DLG2: variants seen among roughly 807,000 people sequenced by gnomAD.
DLG2 encodes the protein discs large MAGUK scaffold protein 2, also known as disks large homolog 2.
DLG2 carries 45 observed loss-of-function variants against 132.5 expected under a neutral mutation model. The ratio of observed to expected loss-of-function variants is 0.34; its 90% CI spans 0.27 to 0.44. The LOEUF is 0.44. DLG2 is among the 20% of genes least tolerant of loss of function. DLG2 has a pLI of 1.00. For missense variants in DLG2, 1,045 were observed against 1,196.9 expected, an observed-to-expected ratio of 0.87 and a Z score of 1.87; for synonymous variants, 424 against 419.6, an observed-to-expected ratio of 1.01 and a Z score of -0.13.
chr11:84,769,208 A>G (rs7128644), intron 6 of DLG2, among the ~76,000 whole-genome samples: 21,526 of 152,124 alleles, frequency 0.14, 1,728 homozygotes, highest in African/African-American at 0.22. Context: ...TAACTGAGGT[A>G]CAAGACAAAG....
intron 3 of DLG2, among the ~76,000 whole-genome samples, chr11:85,536,461 G>C (rs2075590992): frequency 6.6e-6 from 1 of 152,164 alleles, no homozygotes; most frequent in South Asian, 2.1e-4. Flanking sequence ...AGGTGACAAC[G>C]TGCTAGCAGC....
chr11:84,902,671 A>G (rs940215185), intron 6 of DLG2, among the ~76,000 whole-genome samples: 1 of 152,102 alleles, frequency 6.6e-6, no homozygotes, highest in Admixed American at 6.6e-5. Flanking sequence ...GTCTATTTCC[A>G]GCTTGCTATT....
chr11:85,459,338 T>C (rs1177387447), intron 3 of DLG2, among the ~76,000 whole-genome samples: 3 of 152,104 alleles, frequency 2.0e-5, no homozygotes, highest in Non-Finnish European at 4.4e-5. Flanking sequence ...GTTCGAGTGC[T>C]CACAGGGATG....
At chr11:84,465,014 T>A (rs1489853983) in intron 7 of DLG2, among the ~76,000 whole-genome samples, 1 of 151,248 alleles carries the variant, frequency 6.6e-6, no homozygotes, top group African/African-American at 2.4e-5. Flanking sequence ...GGTTGAACAC[T>A]GTTGGCCCTT....
chr11:85,345,255 A>T (rs1293597956), intron 3 of DLG2, among the ~76,000 whole-genome samples: 1 of 152,130 alleles, frequency 6.6e-6, no homozygotes, highest in African/African-American at 2.4e-5. Flanking sequence ...TACAGTAATC[A>T]ATAGCTTTTG....
chr11:83,503,464 CAT>C (rs2094552654), intron 21 of DLG2, among the ~76,000 whole-genome samples: 1 of 143,764 alleles, frequency 7.0e-6, no homozygotes, highest in African/African-American at 2.5e-5. Flanking sequence ...CACACACACA[CAT>C]ATATTATTAA....
At chr11:84,396,162 T>TA (rs2098810270) in intron 7 of DLG2, among the ~76,000 whole-genome samples, 1 of 152,130 alleles carries the variant, frequency 6.6e-6, no homozygotes, top group Admixed American at 6.6e-5. Flanking sequence ...ATTTAAAATT[T>TA]AAAAAAATCC....
intron 3 of DLG2, among the ~76,000 whole-genome samples, chr11:85,539,643 A>G (rs1387615738): frequency 1.3e-5 from 2 of 152,236 alleles, no homozygotes; most frequent in African/African-American, 4.8e-5. Context: ...AAGAGTAACT[A>G]TCTTATGTTA....
At chr11:84,955,480 T>A (rs1750208865) in intron 6 of DLG2, 11 of 152,128 alleles carry the variant, frequency 7.2e-5, no homozygotes, top group Admixed American at 7.2e-4. Flanking sequence ...TAAATTAGAA[T>A]AAATTAACCG....
intron 18 of DLG2, among the ~76,000 whole-genome samples, chr11:83,655,808 A>G (rs1352713080): frequency 2.0e-5 from 3 of 152,152 alleles, no homozygotes; most frequent in African/African-American, 7.2e-5. Flanking sequence ...TTCATATCCA[A>G]AAGGACCTAT....
At chr11:83,692,518 T>C in intron 18 of DLG2, among the ~76,000 whole-genome samples, 1 of 152,058 alleles carries the variant, frequency 6.6e-6, no homozygotes, top group Non-Finnish European at 1.5e-5. Context: ...TGCTAATAGT[T>C]ATGGGGTTTC....
At chr11:84,733,988 T>C (rs183950472) in intron 6 of DLG2, among the ~76,000 whole-genome samples, 10 of 152,294 alleles carry the variant, frequency 6.6e-5, no homozygotes, top group Admixed American at 1.3e-4. Flanking sequence ...TTCTGTTCCA[T>C]TGGCCTATAT....
chr11:85,615,104 A>G (rs1046441709), intron 2 of DLG2, among the ~76,000 whole-genome samples: 1 of 152,366 alleles, frequency 6.6e-6, no homozygotes, highest in African/African-American at 2.4e-5. Context: ...TTAATAGTAT[A>G]AAACGGTAAA....
chr11:84,184,200 A>G (rs1031026203), intron 8 of DLG2, among the ~76,000 whole-genome samples: 6 of 152,178 alleles, frequency 3.9e-5, no homozygotes, highest in African/African-American at 1.4e-4. Flanking sequence ...CAACAGTGTA[A>G]AAGTGCTCCT....
intron 19 of DLG2, among the ~76,000 whole-genome samples, chr11:83,583,128 C>T (rs777201650): frequency 6.6e-5 from 10 of 152,194 alleles, no homozygotes; most frequent in Non-Finnish European, 1.3e-4. Flanking sequence ...AGTAAAAGTG[C>T]ACTAGTTAAA....
chr11:85,445,022 T>G (rs1412743274), intron 3 of DLG2, among the ~76,000 whole-genome samples: 1 of 151,986 alleles, frequency 6.6e-6, no homozygotes, highest in East Asian at 1.9e-4. Flanking sequence ...AAAAATAAAA[T>G]AAGAGAAAGA....
At chr11:84,631,115 A>AC (rs142349438) in intron 6 of DLG2, among the ~76,000 whole-genome samples, 1 of 151,116 alleles carries the variant, frequency 6.6e-6, no homozygotes, top group Non-Finnish European at 1.5e-5. Context: ...GTGTAGAAAA[A>AC]TGCTGTTGAA....
chr11:84,440,516 T>C (rs2099014096), intron 7 of DLG2, among the ~76,000 whole-genome samples: 1 of 152,160 alleles, frequency 6.6e-6, no homozygotes. Flanking sequence ...GTGTCTGCTG[T>C]AAAGGTGGCA....
At chr11:84,367,063 AG>A (rs1473471168) in intron 7 of DLG2, among the ~76,000 whole-genome samples, 1 of 152,174 alleles carries the variant, frequency 6.6e-6, no homozygotes, top group African/African-American at 2.4e-5. Flanking sequence ...CATAGTTGGA[AG>A]TAAAGCTCTC....
Sources: gnomAD v4.1 joint callset for allele counts (sites outside exome capture counted in the v4.1 genomes callset) on GRCh38, gnomAD v4.1.1 for gene constraint, MANE v1.5 for transcripts, NCBI Gene and HGNC (gene_info 2026-07-23, HGNC 2026-07-21) for gene names.